EXOC4: variants seen among roughly 807,000 people sequenced by gnomAD.
EXOC4 encodes exocyst complex component 4.
A neutral mutation model predicts 107.2 loss-of-function variants in EXOC4; 71 were observed. That is an observed-to-expected ratio of 0.66 (90% confidence interval 0.55 to 0.81). EXOC4 has a LOEUF of 0.81. EXOC4 is among the 30% of genes least tolerant of loss of function. EXOC4 has a pLI of 0.00. For synonymous variants in EXOC4, 456 were observed against 441.2 expected (o/e 1.03, Z -0.42); for missense variants, 1,108 against 1,189.6 (o/e 0.93, Z 1.01).
intron 6 of EXOC4, among the ~76,000 whole-genome samples, chr7:133,371,055 A>G (rs970077533): frequency 6.6e-6 from 1 of 152,238 alleles, no homozygotes; most frequent in Non-Finnish European, 1.5e-5. Flanking sequence ...CAAGTGAACT[A>G]AAAGAGAAAA....
At chr7:133,640,044 A>C (rs2151023817) in intron 10 of EXOC4, among the ~76,000 whole-genome samples, 1 of 152,316 alleles carries the variant, frequency 6.6e-6, no homozygotes, top group South Asian at 2.1e-4. Context: ...CATACATTCA[A>C]ATGTATAAAT....
chr7:133,535,962 C>T (rs1800262424), intron 9 of EXOC4, among the ~76,000 whole-genome samples: 2 of 152,154 alleles, frequency 1.3e-5, no homozygotes, highest in Non-Finnish European at 2.9e-5. Flanking sequence ...TTATGACAGT[C>T]TGAGTTTTAA....
At chr7:133,618,623 A>G (rs1802251853) in intron 9 of EXOC4, among the ~76,000 whole-genome samples, 1 of 152,150 alleles carries the variant, frequency 6.6e-6, no homozygotes, top group African/African-American at 2.4e-5. Flanking sequence ...TGAAGGACGG[A>G]GGTCAGTACT....
chr7:133,993,048 G>T (rs896177062), intron 14 of EXOC4, among the ~76,000 whole-genome samples: 4 of 151,886 alleles, frequency 2.6e-5, no homozygotes, highest in Admixed American at 1.3e-4. Context: ...GTGATGTATC[G>T]CATTTATTGA....
chr7:133,806,913 C>A (rs1301468080), intron 10 of EXOC4, among the ~76,000 whole-genome samples: 1 of 152,168 alleles, frequency 6.6e-6, no homozygotes, highest in Non-Finnish European at 1.5e-5. Context: ...CAATGCTGGC[C>A]TATACAGTTG....
At chr7:133,309,405 A>G (rs1373772203) in intron 4 of EXOC4, among the ~76,000 whole-genome samples, 1 of 152,186 alleles carries the variant, frequency 6.6e-6, no homozygotes, top group Non-Finnish European at 1.5e-5. Flanking sequence ...ATTGATATGC[A>G]TAGGTGGCCA....
At chr7:133,830,067 G>C (rs1797777776) in intron 11 of EXOC4, among the ~76,000 whole-genome samples, 1 of 152,108 alleles carries the variant, frequency 6.6e-6, no homozygotes, top group African/African-American at 2.4e-5. Context: ...GTATTCACTT[G>C]CAAATAGCTA....
At chr7:133,801,766 A>T (rs897990098) in intron 10 of EXOC4, among the ~76,000 whole-genome samples, 2 of 152,218 alleles carry the variant, frequency 1.3e-5, no homozygotes, top group Non-Finnish European at 2.9e-5. Context: ...GACCTTTCAC[A>T]GTTGCCAGAA....
intron 9 of EXOC4, among the ~76,000 whole-genome samples, chr7:133,490,891 T>C (rs1799359584): frequency 6.6e-6 from 1 of 152,220 alleles, no homozygotes; most frequent in African/African-American, 2.4e-5. Flanking sequence ...AAAATAACTT[T>C]GTTTTAAATG....
chr7:133,923,241 G>A (rs1799979444), intron 13 of EXOC4, among the ~76,000 whole-genome samples: 1 of 149,766 alleles, frequency 6.7e-6, no homozygotes. Flanking sequence ...AGATTCTCCT[G>A]CCTCAGCCTC....
intron 10 of EXOC4, among the ~76,000 whole-genome samples, chr7:133,790,364 G>A (rs1397626313): frequency 6.6e-6 from 1 of 152,150 alleles, no homozygotes; most frequent in Admixed American, 6.5e-5. Flanking sequence ...CAACCCACTG[G>A]GGGCACTTAC....
At chr7:133,911,604 A>G (rs1799697198) in intron 12 of EXOC4, among the ~76,000 whole-genome samples, 1 of 152,198 alleles carries the variant, frequency 6.6e-6, no homozygotes, top group Non-Finnish European at 1.5e-5. Flanking sequence ...AGTCCTTTAA[A>G]AATATGTAAG....
chr7:133,616,697 C>A (rs1802202328), intron 9 of EXOC4, among the ~76,000 whole-genome samples: 1 of 152,016 alleles, frequency 6.6e-6, no homozygotes, highest in African/African-American at 2.4e-5. Flanking sequence ...CTGTCAGCTG[C>A]AAATGATACC....
chr7:133,356,307 A>G, intron 5 of EXOC4, 23 bp from the exon 6 acceptor site: 1 of 1,612,040 alleles, frequency 6.2e-7, no homozygotes, highest in Non-Finnish European at 8.5e-7. Context: ...TGTATCTATT[A>G]TTGTTATTAT....
Position 133,746,203 on chromosome 7 carries a change from G to A in EXOC4, c.1515-71122G>A, listed in dbSNP as rs553798776. ...TAACTTTTTGATGTTTTTCTTGTTA[G>A]CTTTTAATCAGTCTGAGAAAATCCT... On this transcript the variant is annotated intron_variant, in intron 10 of 17. Coordinates refer to ENST00000253861, the MANE Select transcript of EXOC4 (RefSeq NM_021807.4). Among the ~76,000 whole-genome samples, 35 of 152,048 alleles carry A rather than the reference G, an allele frequency of 2.3e-4. No homozygotes were observed. The East Asian group carries it at 6.0e-3, about 26-fold the overall frequency.
In EXOC4 at chr7:133,634,618, T is replaced by C. The variant is rs117892625; in HGVS notation, c.1514+4477T>C. ...AATTCTCGTGCCTCAGCCTCCCAGA[T>C]AGCTGGGGTTACAGGCATGCGCCAC... On this transcript the variant is annotated intron_variant, in intron 10 of 17. Coordinates refer to ENST00000253861, the MANE Select transcript of EXOC4 (RefSeq NM_021807.4). Among the ~76,000 whole-genome samples the C allele has an allele frequency of 3.5e-3, 530 of 152,298 alleles. 2 individuals carry two copies. The highest frequency in any genetic ancestry group is 0.03 in the East Asian group (156 of 5,182).
chr7:133,513,392 T>C (rs1404509344), intron 9 of EXOC4, among the ~76,000 whole-genome samples: 1 of 152,054 alleles, frequency 6.6e-6, no homozygotes, highest in Non-Finnish European at 1.5e-5. Flanking sequence ...TCATTAAAAG[T>C]TTTACCTGTT....
At chr7:133,648,001 A>G (rs1284953485) in intron 10 of EXOC4, among the ~76,000 whole-genome samples, 1 of 152,218 alleles carries the variant, frequency 6.6e-6, no homozygotes, top group Non-Finnish European at 1.5e-5. Flanking sequence ...TTTTGCTTCT[A>G]AAAGATAAGA....
chr7:133,598,134 G>GT (rs1242172234), intron 9 of EXOC4, among the ~76,000 whole-genome samples: 2 of 152,134 alleles, frequency 1.3e-5, no homozygotes, highest in Non-Finnish European at 2.9e-5. Context: ...AAGCTACCAC[G>GT]TAACACTTCT....
Sources: gnomAD v4.1 joint callset for allele counts (sites outside exome capture counted in the v4.1 genomes callset) on GRCh38, gnomAD v4.1.1 for gene constraint, MANE v1.5 for transcripts, NCBI Gene and HGNC (gene_info 2026-07-23, HGNC 2026-07-21) for gene names.